Variants in C16orf96 observed in about 807,000 individuals in gnomAD.
The protein encoded by C16orf96 is uncharacterized protein C16orf96.
C16orf96 carries 108 observed loss-of-function variants against 103.6 expected under a neutral mutation model. The ratio of observed to expected loss-of-function variants is 1.04; its 90% CI spans 0.89 to 1.22. C16orf96 has a LOEUF of 1.22. Among genes scored for constraint, C16orf96 ranks in the 50% most tolerant of loss-of-function variants. C16orf96 has a pLI of 0.00. For missense variants in C16orf96, 1,586 were observed against 1,464.2 expected, an observed-to-expected ratio of 1.08 and a Z score of -1.36; for synonymous variants, 566 against 593.5, an observed-to-expected ratio of 0.95 and a Z score of 0.67.
intron 7 of C16orf96, 32 bp downstream of exon 7, chr16:4,580,157 T>C: frequency 6.9e-7 from 1 of 1,443,566 alleles, no homozygotes; most frequent in Non-Finnish European, 9.2e-7. Flanking sequence ...GGAGAAGGGC[T>C]GGCAAAGGGA....
chr16:4,580,566 G>A (rs534776551), intron 7 of C16orf96, among the ~76,000 whole-genome samples: 1 of 152,240 alleles, frequency 6.6e-6, no homozygotes, highest in African/African-American at 2.4e-5. Flanking sequence ...AAATATTTAG[G>A]CTGGGTGCGG....
At chr16:4,547,568 G>T in the C16orf96 span, among the ~76,000 whole-genome samples, 1 of 152,080 alleles carries the variant, frequency 6.6e-6, no homozygotes, top group Non-Finnish European at 1.5e-5. Flanking sequence ...GAGTGCTAAT[G>T]GGTACAGGTT....
intron 7 of C16orf96, among the ~76,000 whole-genome samples, chr16:4,585,593 C>T (rs900800362): frequency 2.0e-5 from 3 of 152,198 alleles, no homozygotes; most frequent in South Asian, 2.1e-4. Context: ...TTGGAACAGA[C>T]GTGCCTAGGT....
intron 10 of C16orf96, 30 bp from the exon 11 acceptor site, chr16:4,592,275 G>T: frequency 6.4e-7 from 1 of 1,551,292 alleles, no homozygotes; most frequent in Non-Finnish European, 8.7e-7. Context: ...GCCCAGCAGG[G>T]GCAGCGGCTG....
intron 5 of C16orf96, 39 bp downstream of exon 5, chr16:4,576,674 G>A (rs2059514464): frequency 6.6e-7 from 1 of 1,508,664 alleles, no homozygotes; most frequent in African/African-American, 1.4e-5. Context: ...ACAAGGGAGT[G>A]GGGCTCTCCC....
intron 1 of C16orf96, chr16:4,559,918 CTG>C (rs2059309864): frequency 6.6e-6 from 1 of 152,200 alleles, no homozygotes; most frequent in African/African-American, 2.4e-5. Context: ...CAGAGAGAGA[CTG>C]TAACAGGGAC....
At chr16:4,547,689 C>CTTCTTTCTTTCTTTCT in the C16orf96 span, among the ~76,000 whole-genome samples, 1,256 of 22,244 alleles carry the variant, frequency 0.056, 37 homozygotes, top group Non-Finnish European at 0.082. Flanking sequence ...TCCTTCCTTC[C>CTTCTTTCTTTCTTTCT]TTCTTTCTTT....
At chr16:4,560,202 A>T (rs1412243662) in intron 1 of C16orf96, 1 of 149,744 alleles carries the variant, frequency 6.7e-6, no homozygotes, top group Non-Finnish European at 1.5e-5. Flanking sequence ...TTGCATTTTT[A>T]TATATATGTT....
intron 7 of C16orf96, among the ~76,000 whole-genome samples, chr16:4,580,815 C>G (rs2059575729): frequency 6.6e-6 from 1 of 151,596 alleles, no homozygotes; most frequent in Admixed American, 6.6e-5. Flanking sequence ...TGGTGAAACC[C>G]CGTCTCTTCT....
In C16orf96 at chr16:4,593,110, G is replaced by T; in HGVS notation, c.2775-114G>T. On this transcript the variant is annotated intron_variant, in intron 11 of 15. Coordinates refer to ENST00000444310, the MANE Select transcript of C16orf96 (RefSeq NM_001145011.2). The surrounding 1 kb of genome is among the most constrained non-coding windows in gnomAD (Gnocchi z 4.2). ...TTCTGGCATTCGAGGGTGGTGACCT[G>T]AGTCTGCACCTCCTTCCTCCTGCTG... is the stretch of plus-strand genomic sequence containing the variant. 1 of 1,015,716 alleles carries T rather than the reference G, an allele frequency of 9.8e-7. No individual in the cohort carries two copies. The highest frequency in any genetic ancestry group is 1.4e-5 in the South Asian group (1 of 70,674). The allele number at this position is 1,015,716 out of a possible 1,614,324, so 62.9% of individuals were successfully genotyped here. A position where few individuals can be genotyped will look rare whatever the true frequency, so the allele number is the denominator to read the frequency against.
intron 1 of C16orf96, among the ~76,000 whole-genome samples, chr16:4,562,551 G>C (rs1366121510): frequency 6.7e-6 from 1 of 149,238 alleles, no homozygotes; most frequent in African/African-American, 2.5e-5. Context: ...TTTTTTGTTT[G>C]TCTTTATTTT....
Position 4,591,649 on chromosome 16 carries a change from C to T in C16orf96, c.2593-17C>T, listed in dbSNP as rs1328081176. 1 of 1,532,674 alleles carries T rather than the reference C, an allele frequency of 6.5e-7. No homozygotes were observed. The highest frequency in any genetic ancestry group is 2.5e-5 in the East Asian group (1 of 40,816). 94.9% of individuals were successfully genotyped at this position (1,532,674 alleles called of 1,614,324 possible). A position where few individuals can be genotyped will look rare whatever the true frequency, so the allele number is the denominator to read the frequency against. On this transcript the variant is annotated splice_polypyrimidine_tract_variant and intron_variant, in intron 9 of 15. Transcript: ENST00000444310. ...TCATAGAGTATTCTTTCTTATCTTC[C>T]CCTTGGCTGTTGGCAGTTAGTCCAC...
upstream of C16orf96, among the ~76,000 whole-genome samples, chr16:4,553,075 C>T (rs1433742577): frequency 3.3e-5 from 5 of 152,046 alleles, no homozygotes; most frequent in African/African-American, 7.2e-5. Context: ...TCAGGAATGC[C>T]CTCTCTTCAG....
intron 4 of C16orf96, 40 bp from the exon 5 acceptor site, chr16:4,575,134 G>T: frequency 6.5e-7 from 1 of 1,546,410 alleles, no homozygotes; most frequent in Non-Finnish European, 8.7e-7. Flanking sequence ...GGGAGGCGGG[G>T]CTGGAAGCCA....
intron 1 of C16orf96, among the ~76,000 whole-genome samples, chr16:4,570,116 T>G (rs2059421839): frequency 6.6e-6 from 1 of 151,972 alleles, no homozygotes; most frequent in Non-Finnish European, 1.5e-5. Flanking sequence ...ACTTTTTTAT[T>G]TTATTTTTGA....
intron 7 of C16orf96, among the ~76,000 whole-genome samples, chr16:4,580,409 A>G (rs1392426134): frequency 6.8e-6 from 1 of 148,082 alleles, no homozygotes; most frequent in Non-Finnish European, 1.5e-5. Flanking sequence ...TGAAGGCTCC[A>G]TCACATTTGC....
Position 4,574,986 on chromosome 16 carries a change from T to C in C16orf96, c.621T>C (p.Asn207=). The change falls in exon 4 of 16, where the codon AAT becomes AAC. Residue 207 remains asparagine (N), a synonymous_variant. Transcript: ENST00000444310. ...CCACCTTGCAGGCTTCTCTCCAGAATAAGTTTAAAACCATCCCCAAAACCG... is the reference window on the plus strand; with the variant it reads ...CCACCTTGCAGGCTTCTCTCCAGAACAAGTTTAAAACCATCCCCAAAACCG... The part of the protein sequence containing the change: ...ALQREVASLQ[N]KFKTIPKTED... 1 of 1,551,420 alleles carries C rather than the reference T, an allele frequency of 6.4e-7. No homozygotes were observed. Among genetic ancestry groups the C allele is most frequent in the East Asian group, 2.4e-5 (1 of 40,920 alleles).
intron 1 of C16orf96, among the ~76,000 whole-genome samples, chr16:4,571,344 C>A (rs903910411): frequency 1.3e-5 from 2 of 152,148 alleles, no homozygotes; most frequent in Non-Finnish European, 2.9e-5. Context: ...TGGATATATT[C>A]AAATACAGAG....
the C16orf96 span, among the ~76,000 whole-genome samples, chr16:4,539,841 A>T: frequency 6.6e-6 from 1 of 152,124 alleles, no homozygotes; most frequent in Non-Finnish European, 1.5e-5. Context: ...AGTCTGATGC[A>T]CCAGCCAAGG....
Sources: allele counts gnomAD v4.1 joint callset (sites outside exome capture counted in the v4.1 genomes callset), GRCh38; gene constraint gnomAD v4.1.1; non-coding constraint Gnocchi (gnomAD v3.1); transcripts MANE v1.5; gene names NCBI Gene and HGNC (gene_info 2026-07-23, HGNC 2026-07-21).